The following FOXO3 variants were observed in gnomAD, a reference collection of about 807,000 sequenced individuals.
FOXO3 encodes forkhead box protein O3.
Under a neutral mutation model 41.9 loss-of-function variants are expected in FOXO3, and 4 were observed. The observed-to-expected ratio is 0.10, with a 90% CI of 0.05 to 0.22. The LOEUF (loss-of-function observed/expected upper bound fraction) is 0.22. Among genes scored for constraint, FOXO3 ranks in the 10% least tolerant of loss-of-function variants. The pLI, the probability that FOXO3 is intolerant of heterozygous loss-of-function variation, is 1.00. For missense variants in FOXO3, 534 were observed against 906.8 expected, an observed-to-expected ratio of 0.59 and a Z score of 5.28; for synonymous variants, 318 against 389.3, an observed-to-expected ratio of 0.82 and a Z score of 2.16.
At chr6:108,609,985 C>T (rs1777314965) in intron 1 of FOXO3, among the ~76,000 whole-genome samples, 2 of 152,078 alleles carry the variant, frequency 1.3e-5, no homozygotes, top group Non-Finnish European at 2.9e-5. Flanking sequence ...TGGGGGAAAC[C>T]TGTCACCACT....
At chr6:108,612,375 C>T (rs1020101924) in intron 1 of FOXO3, among the ~76,000 whole-genome samples, 28 of 151,930 alleles carry the variant, frequency 1.8e-4, no homozygotes, top group African/African-American at 6.8e-4. Context: ...CATTGATGAT[C>T]ATGTCTATAA....
chr6:108,568,378 C>A (rs773618907), intron 1 of FOXO3, among the ~76,000 whole-genome samples: 1 of 152,106 alleles, frequency 6.6e-6, no homozygotes, highest in Non-Finnish European at 1.5e-5. Context: ...TAGGCTAGCT[C>A]GCACTGGAGT....
intron 1 of FOXO3, among the ~76,000 whole-genome samples, chr6:108,638,474 C>T (rs569027966): frequency 1.3e-5 from 2 of 152,314 alleles, no homozygotes; most frequent in East Asian, 1.9e-4. Flanking sequence ...GTCCAAGGCA[C>T]TTTAGCTCTC....
chr6:108,567,856 T>C (rs914135574), intron 1 of FOXO3, among the ~76,000 whole-genome samples: 1 of 151,958 alleles, frequency 6.6e-6, no homozygotes, highest in Non-Finnish European at 1.5e-5. Flanking sequence ...AGACCAGCCT[T>C]ACCAACATGG....
rs147414210 is a variant in FOXO3, at chr6:108,582,720, A to G, written c.621+20891A>G. On this transcript the variant is annotated intron_variant, in intron 1 of 2. Coordinates refer to ENST00000406360, the MANE Select transcript of FOXO3 (RefSeq NM_001455.4). ...CTCTTGTTTTTGAGTGTGTAGCTGT[A>G]TATTAAGATGGGAAAGCTGACTCTG... Among the ~76,000 whole-genome samples the G allele has an allele frequency of 2.6e-3, 395 of 151,742 alleles. 5 individuals are homozygous for G. Among genetic ancestry groups the G allele is most frequent in the African/African-American group, 9.3e-3 (383 of 41,340 alleles).
At chr6:108,621,727 A>T (rs1342653315) in intron 1 of FOXO3, among the ~76,000 whole-genome samples, 2 of 152,134 alleles carry the variant, frequency 1.3e-5, no homozygotes, top group African/African-American at 4.8e-5. Context: ...CCGTTTCAGA[A>T]GTATGTGGGA....
chr6:108,581,250 A>C (rs998654478), intron 1 of FOXO3, among the ~76,000 whole-genome samples: 5 of 152,190 alleles, frequency 3.3e-5, no homozygotes, highest in African/African-American at 1.2e-4. Flanking sequence ...TAACAGGCAG[A>C]TGTTGAAAGA....
intron 1 of FOXO3, among the ~76,000 whole-genome samples, chr6:108,617,611 C>G (rs1373806631): frequency 6.6e-6 from 1 of 151,878 alleles, no homozygotes; most frequent in Non-Finnish European, 1.5e-5. Context: ...ACAAGGTATG[C>G]AAGGATTTTT....
chr6:108,620,878 A>T (rs1424229264), intron 1 of FOXO3, among the ~76,000 whole-genome samples: 1 of 152,178 alleles, frequency 6.6e-6, no homozygotes, highest in Non-Finnish European at 1.5e-5. Flanking sequence ...GCTGACATTC[A>T]ATACTCTCTT....
intron 1 of FOXO3, among the ~76,000 whole-genome samples, chr6:108,610,417 TAAGTAC>T (rs1777327838): frequency 6.6e-6 from 1 of 152,182 alleles, no homozygotes; most frequent in African/African-American, 2.4e-5. Flanking sequence ...TCAGTGTTCT[TAAGTAC>T]AAGTGAAAGT....
intron 2 of FOXO3, among the ~76,000 whole-genome samples, chr6:108,668,530 C>T (rs1385499508): frequency 6.6e-6 from 1 of 152,156 alleles, no homozygotes; most frequent in East Asian, 1.9e-4. Context: ...CATGTGTCCT[C>T]TCTGAGGGAA....
At chr6:108,593,699 T>G (rs1194932654) in intron 1 of FOXO3, among the ~76,000 whole-genome samples, 2 of 147,846 alleles carry the variant, frequency 1.4e-5, no homozygotes, top group Non-Finnish European at 3.0e-5. Flanking sequence ...TATTTTTCTT[T>G]TCTTTTCTTC....
At position 108,561,355 on chromosome 6, in the gene FOXO3, G is replaced by A; in HGVS notation, c.147G>A (p.Gly49=). 6.4e-7 allele frequency: 1 copy of A among 1,567,372 alleles called. No homozygotes were observed. ...ELQASPAKPS[G]ETAADSMIPE... ...AAGCGAGCCCTGCCAAGCCCTCGGG[G>A]GAGACGGCCGCCGACTCCATGATCC... The change falls in exon 1 of 3, where the codon GGG becomes GGA. Residue 49 remains glycine, a synonymous_variant. Coordinates refer to ENST00000406360, the MANE Select transcript of FOXO3 (RefSeq NM_001455.4).
Position 108,608,185 on chromosome 6 carries a change from C to G in FOXO3, c.621+46356C>G, listed in dbSNP as rs527399776. 2.0e-5 allele frequency among the ~76,000 whole-genome samples: 3 copies of G among 152,308 alleles called. No individual in the cohort carries two copies. The South Asian group carries it at 6.2e-4, about 32-fold the overall frequency. ...GGCCTTAAGATCACCTCAAGTTTCT[C>G]TCTGTTTCAAACTGAAGTGTCTGTT... On this transcript the variant is annotated intron_variant, in intron 1 of 2. Coordinates refer to ENST00000406360, the MANE Select transcript of FOXO3 (RefSeq NM_001455.4).
In FOXO3 at chr6:108,683,530, T is replaced by C. The variant is rs1770945666; in HGVS notation, c.*3738T>C. 2 of 152,078 alleles carry C rather than the reference T, an allele frequency of 1.3e-5. No homozygotes were observed. The highest frequency in any genetic ancestry group is 2.4e-5 in the African/African-American group (1 of 41,420). 9.4% of individuals were successfully genotyped at this position (152,078 alleles called of 1,614,324 possible). A position where few individuals can be genotyped will look rare whatever the true frequency, so the allele number is the denominator to read the frequency against. On this transcript the variant is annotated 3_prime_UTR_variant, in exon 3 of 3. Transcript: ENST00000406360. ...GGAGAAACCCCGTCTCCATTAAAAA[T>C]ACAAAATTAGCCTGGCATGGTGGCG...
chr6:108,618,042 A>C, intron 1 of FOXO3: 2 of 667,314 alleles, frequency 3.0e-6, no homozygotes, highest in East Asian at 5.9e-5. Context: ...CGTCAATCGT[A>C]TCTTCATTCT....
chr6:108,653,064 G>A (rs1288347791), intron 1 of FOXO3, among the ~76,000 whole-genome samples: 2 of 152,146 alleles, frequency 1.3e-5, no homozygotes, highest in Non-Finnish European at 2.9e-5. Flanking sequence ...TTTGGAAATT[G>A]GGCTGTTTAA....
In FOXO3 at chr6:108,680,204, A is replaced by T. The variant is rs1318374013; in HGVS notation, c.*412A>T. The T allele has an allele frequency of 6.6e-6, 1 of 152,514 alleles. No homozygotes were observed. The highest frequency in any genetic ancestry group is 1.5e-5 in the Non-Finnish European group (1 of 68,020). 9.4% of individuals were successfully genotyped at this position (152,514 alleles called of 1,614,324 possible). ...GTGTTTGTTTTCCTTTGACTTTCTG[A>T]GTTTTTCACATGCATTAACTTGCGG... On this transcript the variant is annotated 3_prime_UTR_variant, in exon 3 of 3. Coordinates refer to ENST00000406360, the MANE Select transcript of FOXO3 (RefSeq NM_001455.4).
At chr6:108,646,615 T>G (rs1778398494) in intron 1 of FOXO3, among the ~76,000 whole-genome samples, 1 of 152,226 alleles carries the variant, frequency 6.6e-6, no homozygotes, top group South Asian at 2.1e-4. Context: ...TTCTGAAGTT[T>G]AAGGCAGATA....
Sources: allele counts gnomAD v4.1 joint callset (sites outside exome capture counted in the v4.1 genomes callset), GRCh38; gene constraint gnomAD v4.1.1; transcripts MANE v1.5; gene names NCBI Gene and HGNC (gene_info 2026-07-23, HGNC 2026-07-21).